The following HEMK2 variants were observed in gnomAD, a reference collection of about 807,000 sequenced individuals.
The protein encoded by HEMK2 is HemK methyltransferase 2, ETF1 glutamine and histone H4 lysine.
At chr21:28,740,036 T>C in the HEMK2 span, among the ~76,000 whole-genome samples, 6 of 152,342 alleles carry the variant, frequency 3.9e-5, no homozygotes, top group East Asian at 9.6e-4. Context: ...CAACACCTTG[T>C]GTAAATTCTT....
chr21:28,592,610 C>T, the HEMK2 span, among the ~76,000 whole-genome samples: 116 of 152,334 alleles, frequency 7.6e-4, no homozygotes, highest in Non-Finnish European at 1.5e-3. Context: ...TTTTAAAAGC[C>T]ATCCAGCAGA....
the HEMK2 span, among the ~76,000 whole-genome samples, chr21:28,815,939 G>T: frequency 6.6e-6 from 1 of 152,222 alleles, no homozygotes; most frequent in Admixed American, 6.5e-5. Context: ...TTTTGAAATG[G>T]GGCCTTTAAA....
chr21:28,839,732 G>T, the HEMK2 span, among the ~76,000 whole-genome samples: 1 of 152,110 alleles, frequency 6.6e-6, no homozygotes, highest in Non-Finnish European at 1.5e-5. Flanking sequence ...ATCAACAAAT[G>T]GAAACATATC....
At chr21:28,656,436 G>A in the HEMK2 span, among the ~76,000 whole-genome samples, 5 of 151,834 alleles carry the variant, frequency 3.3e-5, no homozygotes, top group African/African-American at 1.2e-4. Flanking sequence ...CCCTCTTGTG[G>A]GTGAATTCTA....
At chr21:28,585,936 A>C in the HEMK2 span, among the ~76,000 whole-genome samples, 1 of 152,246 alleles carries the variant, frequency 6.6e-6, no homozygotes, top group African/African-American at 2.4e-5. Flanking sequence ...AGATAGTTTA[A>C]TCCTCCACCA....
At chr21:28,695,718 C>T in the HEMK2 span, among the ~76,000 whole-genome samples, 2 of 151,646 alleles carry the variant, frequency 1.3e-5, no homozygotes, top group East Asian at 3.9e-4. Context: ...GCCCCCGCCC[C>T]CTCCCAAATC....
chr21:28,674,793 T>C, the HEMK2 span: 1 of 99,236 alleles, frequency 1.0e-5, no homozygotes, highest in Non-Finnish European at 1.7e-5. Context: ...AAGTTCAGTA[T>C]ATAGTGGAGG....
At chr21:28,742,925 AC>A in the HEMK2 span, among the ~76,000 whole-genome samples, 69 of 152,158 alleles carry the variant, frequency 4.5e-4, no homozygotes, top group African/African-American at 1.6e-3. Context: ...TCTCCTATGA[AC>A]CATTTTTAAG....
the HEMK2 span, among the ~76,000 whole-genome samples, chr21:28,683,363 G>T: frequency 1.3e-5 from 2 of 152,134 alleles, no homozygotes; most frequent in South Asian, 4.1e-4. Flanking sequence ...ACTATGGCTG[G>T]TAACTGTGTG....
At chr21:28,788,897 C>T in the HEMK2 span, among the ~76,000 whole-genome samples, 1 of 151,934 alleles carries the variant, frequency 6.6e-6, no homozygotes, top group Non-Finnish European at 1.5e-5. Flanking sequence ...TATAAAGACA[C>T]CCAGTGGAGA....
At chr21:28,879,185 G>A in the HEMK2 span, among the ~76,000 whole-genome samples, 2 of 150,076 alleles carry the variant, frequency 1.3e-5, no homozygotes, top group South Asian at 4.2e-4. Context: ...TGTGGGCTCA[G>A]GTGATCCTCC....
the HEMK2 span, among the ~76,000 whole-genome samples, chr21:28,725,302 T>C: frequency 3.9e-5 from 6 of 152,258 alleles, no homozygotes; most frequent in South Asian, 2.1e-4. Flanking sequence ...GTCCCCCAAA[T>C]ACAGATTCTG....
At chr21:28,819,291 CAAAAA>C in the HEMK2 span, among the ~76,000 whole-genome samples, 1 of 108,504 alleles carries the variant, frequency 9.2e-6, no homozygotes, top group Admixed American at 9.6e-5. Flanking sequence ...TTTATTAGCT[CAAAAA>C]AAAAAAAAAA....
the HEMK2 span, among the ~76,000 whole-genome samples, chr21:28,586,918 G>C: frequency 6.6e-6 from 1 of 152,112 alleles, no homozygotes; most frequent in Non-Finnish European, 1.5e-5. Context: ...CCTCCCAAAA[G>C]GTTCTACTTT....
the HEMK2 span, chr21:28,875,020 A>C: frequency 0.9 from 137,061 of 152,354 alleles, 61,961 homozygotes; most frequent in African/African-American, 0.97. Context: ...CATACAGAAC[A>C]CTCTGTAAAC....
At chr21:28,830,373 C>T in the HEMK2 span, among the ~76,000 whole-genome samples, 2 of 152,210 alleles carry the variant, frequency 1.3e-5, no homozygotes, top group African/African-American at 4.8e-5. Flanking sequence ...CTCTCTCTTT[C>T]TACCATGGTG....
the HEMK2 span, among the ~76,000 whole-genome samples, chr21:28,584,794 G>A: frequency 3.3e-5 from 5 of 152,024 alleles, no homozygotes; most frequent in Non-Finnish European, 2.9e-5. Context: ...CGGAGAGGGT[G>A]AAATTGATGA....
At chr21:28,599,937 T>C in the HEMK2 span, among the ~76,000 whole-genome samples, 3 of 152,322 alleles carry the variant, frequency 2.0e-5, no homozygotes, top group East Asian at 5.8e-4. Flanking sequence ...GTCTCACATC[T>C]AGGTCATGCT....
chr21:28,645,774 A>G, the HEMK2 span, among the ~76,000 whole-genome samples: 2 of 152,200 alleles, frequency 1.3e-5, no homozygotes, highest in Non-Finnish European at 2.9e-5. Flanking sequence ...TCATCATGTG[A>G]GGACACAAGT....
Sources: allele counts gnomAD v4.1 joint callset (sites outside exome capture counted in the v4.1 genomes callset), GRCh38; gene constraint gnomAD v4.1.1; transcripts MANE v1.5; gene names NCBI Gene and HGNC (gene_info 2026-07-23, HGNC 2026-07-21).